Variants in MAML3 observed in about 807,000 individuals in gnomAD.
MAML3 encodes the protein mastermind like transcriptional coactivator 3, also known as mastermind-like protein 3.
Under a neutral mutation model 101.9 loss-of-function variants are expected in MAML3, and 27 were observed. That is an observed-to-expected ratio of 0.27 (90% CI 0.20 to 0.37). The LOEUF is 0.37. MAML3 is among the 10% of genes least tolerant of loss of function. The probability of loss-of-function intolerance (pLI) is 1.00; values close to 1 mark genes in which losing one functional copy is unlikely to be tolerated. For missense variants in MAML3, 1,316 were observed against 1,444.9 expected, an observed-to-expected ratio of 0.91 and a Z score of 1.45; for synonymous variants, 501 against 555.9, an observed-to-expected ratio of 0.90 and a Z score of 1.39.
chr4:140,052,697 G>A (rs1452427659), intron 1 of MAML3, among the ~76,000 whole-genome samples: 1 of 151,880 alleles, frequency 6.6e-6, no homozygotes, highest in Non-Finnish European at 1.5e-5. Flanking sequence ...ACCATACCCG[G>A]CTAATTTTTG....
At chr4:140,096,735 C>T (rs1166958257) in intron 1 of MAML3, among the ~76,000 whole-genome samples, 1 of 151,968 alleles carries the variant, frequency 6.6e-6, no homozygotes, top group African/African-American at 2.4e-5. Context: ...ACAATGAGTT[C>T]CACACATATT....
At chr4:139,992,776 C>T (rs1251237734) in intron 1 of MAML3, among the ~76,000 whole-genome samples, 1 of 152,196 alleles carries the variant, frequency 6.6e-6, no homozygotes, top group African/African-American at 2.4e-5. Flanking sequence ...CCAGGATGGT[C>T]TTGATCTCTT....
chr4:140,022,652 G>A (rs1403142391), intron 1 of MAML3, among the ~76,000 whole-genome samples: 2 of 152,096 alleles, frequency 1.3e-5, no homozygotes, highest in African/African-American at 4.8e-5. Flanking sequence ...AGAAGCAATG[G>A]GACAGGAGGC....
intron 1 of MAML3, among the ~76,000 whole-genome samples, chr4:139,924,806 T>C (rs1001757778): frequency 6.6e-6 from 1 of 152,220 alleles, no homozygotes; most frequent in Non-Finnish European, 1.5e-5. Context: ...ATCTACTACC[T>C]TCTCTGGGAA....
chr4:140,001,133 G>A (rs1373505640), intron 1 of MAML3, among the ~76,000 whole-genome samples: 1 of 152,202 alleles, frequency 6.6e-6, no homozygotes, highest in Non-Finnish European at 1.5e-5. Context: ...AACATAGATT[G>A]ATTTTGCTGT....
chr4:139,739,416 TGA>T (rs2111017703), intron 2 of MAML3, among the ~76,000 whole-genome samples: 1 of 152,320 alleles, frequency 6.6e-6, no homozygotes, highest in East Asian at 1.9e-4. Context: ...AACACAACTT[TGA>T]GAGTTATGCT....
At position 139,829,033 on chromosome 4, in the gene MAML3, G is replaced by A. The variant is rs1051476588; in HGVS notation, c.2079+60324C>T. Reference sequence around the variant, plus strand: ...AGGAAGGAAGGAAGGACGGACGGACGGACTAAGGGAGGGAGGGAGGAAGGA... The same window carrying A: ...AGGAAGGAAGGAAGGACGGACGGACAGACTAAGGGAGGGAGGGAGGAAGGA... On this transcript the variant is annotated intron_variant, in intron 2 of 4. Transcript: ENST00000509479. 1.5e-5 allele frequency among the ~76,000 whole-genome samples: 2 copies of A among 129,480 alleles called. 1 individual carries two copies. The highest frequency in any genetic ancestry group is 5.6e-5 in the African/African-American group (2 of 35,942). 84.9% of individuals were successfully genotyped at this position (129,480 alleles called of 152,430 possible). A position where few individuals can be genotyped will look rare whatever the true frequency, so the allele number is the denominator to read the frequency against.
intron 1 of MAML3, among the ~76,000 whole-genome samples, chr4:140,104,916 A>AATT (rs1263502907): frequency 6.6e-6 from 1 of 152,160 alleles, no homozygotes; most frequent in Non-Finnish European, 1.5e-5. Flanking sequence ...ATTTTAATAG[A>AATT]CTGTTAGTGG....
intron 2 of MAML3, among the ~76,000 whole-genome samples, chr4:139,747,348 C>T (rs1456899934): frequency 1.3e-5 from 2 of 152,326 alleles, no homozygotes; most frequent in East Asian, 3.9e-4. Flanking sequence ...TTAGCATCTG[C>T]ATGCATCTCT....
At chr4:139,945,938 TC>T (rs2110747897) in intron 1 of MAML3, among the ~76,000 whole-genome samples, 1 of 152,340 alleles carries the variant, frequency 6.6e-6, no homozygotes, top group Admixed American at 6.5e-5. Context: ...AGTGGATTGC[TC>T]CTTAATAAGT....
At chr4:139,950,450 A>G (rs1396156381) in intron 1 of MAML3, among the ~76,000 whole-genome samples, 2 of 152,022 alleles carry the variant, frequency 1.3e-5, no homozygotes, top group African/African-American at 2.4e-5. Flanking sequence ...TTCTCTCTTT[A>G]TCCTCTATTT....
intron 1 of MAML3, among the ~76,000 whole-genome samples, chr4:139,910,865 A>G (rs1050774383): frequency 6.6e-6 from 1 of 152,174 alleles, no homozygotes; most frequent in Non-Finnish European, 1.5e-5. Flanking sequence ...AGGCATACAG[A>G]TATATATAAT....
intron 2 of MAML3, among the ~76,000 whole-genome samples, chr4:139,751,885 T>G (rs775178571): frequency 6.6e-6 from 1 of 152,222 alleles, no homozygotes; most frequent in African/African-American, 2.4e-5. Flanking sequence ...GGTTACAGTA[T>G]AGCTCCTTTT....
intron 1 of MAML3, among the ~76,000 whole-genome samples, chr4:139,942,507 A>G (rs975982883): frequency 6.6e-6 from 1 of 152,216 alleles, no homozygotes; most frequent in Admixed American, 6.5e-5. Context: ...ATCTTATCTG[A>G]GAGCCACTGC....
intron 1 of MAML3, among the ~76,000 whole-genome samples, chr4:140,045,573 C>T (rs1355533531): frequency 1.3e-5 from 2 of 151,996 alleles, no homozygotes; most frequent in Non-Finnish European, 2.9e-5. Context: ...CCATAACTTA[C>T]ACAGCTAATC....
chr4:139,978,902 T>C (rs1177484233), intron 1 of MAML3, among the ~76,000 whole-genome samples: 2 of 151,382 alleles, frequency 1.3e-5, no homozygotes, highest in African/African-American at 4.9e-5. Flanking sequence ...CAAGTACACA[T>C]CCTCCTTTCA....
intron 4 of MAML3, among the ~76,000 whole-genome samples, chr4:139,722,794 C>G (rs1268010573): frequency 6.6e-6 from 1 of 152,208 alleles, no homozygotes; most frequent in Non-Finnish European, 1.5e-5. Context: ...CAAAACTTCT[C>G]TCCAAGAATG....
At chr4:140,104,731 G>A (rs188178324) in intron 1 of MAML3, among the ~76,000 whole-genome samples, 12 of 151,674 alleles carry the variant, frequency 7.9e-5, no homozygotes, top group Admixed American at 2.6e-4. Flanking sequence ...GAGCTCAAGC[G>A]ATCACCCGCC....
chr4:140,016,601 A>C (rs1726645741), intron 1 of MAML3, among the ~76,000 whole-genome samples: 3 of 152,204 alleles, frequency 2.0e-5, no homozygotes, highest in Non-Finnish European at 2.9e-5. Context: ...GATCAATGAA[A>C]CAGAATAGAG....
Sources: gnomAD v4.1 joint callset for allele counts (sites outside exome capture counted in the v4.1 genomes callset) on GRCh38, gnomAD v4.1.1 for gene constraint, MANE v1.5 for transcripts, NCBI Gene and HGNC (gene_info 2026-07-23, HGNC 2026-07-21) for gene names.